ABCA12: variants seen among roughly 807,000 people sequenced by gnomAD.
ABCA12 encodes glucosylceramide transporter ABCA12.
ABCA12 carries 156 observed loss-of-function variants against 293.5 expected under a neutral mutation model. The ratio of observed to expected loss-of-function variants is 0.53; its 90% confidence interval spans 0.47 to 0.61. The LOEUF is 0.61. Ranked by LOEUF, ABCA12 falls within the 20% of genes least tolerant of loss-of-function variation. The probability of loss-of-function intolerance (pLI) is 0.00; values close to 1 mark genes in which losing one functional copy is unlikely to be tolerated. For missense variants in ABCA12, 2,797 were observed against 3,090.2 expected, an observed-to-expected ratio of 0.91 and a Z score of 2.25; for synonymous variants, 1,063 against 1,108.0, an observed-to-expected ratio of 0.96 and a Z score of 0.81.
At chr2:215,028,190 C>T (rs776678623) in intron 9 of ABCA12, among the ~76,000 whole-genome samples, 31 of 152,148 alleles carry the variant, frequency 2.0e-4, no homozygotes, top group African/African-American at 6.3e-4. Flanking sequence ...TATTAAAATG[C>T]GAGTGGGAAC....
intron 8 of ABCA12, among the ~76,000 whole-genome samples, chr2:215,034,424 TG>T (rs979954559): frequency 1.3e-5 from 2 of 151,484 alleles, no homozygotes; most frequent in African/African-American, 4.8e-5. Flanking sequence ...TGGAGAGGAA[TG>T]GGGGAAGGCA....
At chr2:215,102,822 T>G (rs907316885) in intron 2 of ABCA12, among the ~76,000 whole-genome samples, 2 of 152,170 alleles carry the variant, frequency 1.3e-5, no homozygotes, top group Non-Finnish European at 2.9e-5. Context: ...TCAAGACTCA[T>G]GCTAAGTCTT....
At chr2:215,135,530 T>C (rs1354361420) in intron 1 of ABCA12, among the ~76,000 whole-genome samples, 1 of 152,236 alleles carries the variant, frequency 6.6e-6, no homozygotes, top group African/African-American at 2.4e-5. Flanking sequence ...TGTCCATAGC[T>C]TAATTTCTGT....
At chr2:215,012,499 A>G (rs1419496866) in intron 15 of ABCA12, among the ~76,000 whole-genome samples, 2 of 152,238 alleles carry the variant, frequency 1.3e-5, no homozygotes, top group African/African-American at 4.8e-5. Flanking sequence ...AACAAAAAAA[A>G]TTATATTAAG....
chr2:214,935,497 TAAG>T (rs1176145184), intron 51 of ABCA12, among the ~76,000 whole-genome samples: 1 of 152,186 alleles, frequency 6.6e-6, no homozygotes, highest in Non-Finnish European at 1.5e-5. Context: ...TGAGCTTTGA[TAAG>T]AATCCTGAAA....
chr2:215,039,021 C>G (rs912115003), intron 7 of ABCA12: 2 of 152,132 alleles, frequency 1.3e-5, no homozygotes, highest in Admixed American at 6.5e-5. Context: ...TCATCAAAAA[C>G]AGGTTGCTCT....
intron 13 of ABCA12, among the ~76,000 whole-genome samples, chr2:215,018,381 C>T (rs771535202): frequency 3.3e-5 from 5 of 152,148 alleles, no homozygotes; most frequent in Non-Finnish European, 7.4e-5. Flanking sequence ...TAGGTATCTA[C>T]AAGTCAAGGT....
At chr2:214,959,198 G>C in intron 39 of ABCA12, 120 bp from the exon 40 acceptor site, 2 of 913,890 alleles carry the variant, frequency 2.2e-6, no homozygotes, top group Non-Finnish European at 3.5e-6. Context: ...TTTTATTTGG[G>C]GGACCTTTTT....
chr2:215,124,018 C>T (rs984240356), intron 1 of ABCA12, among the ~76,000 whole-genome samples: 1 of 152,146 alleles, frequency 6.6e-6, no homozygotes, highest in Non-Finnish European at 1.5e-5. Flanking sequence ...GAACATACAA[C>T]GTTTGGTTTT....
chr2:215,090,919 T>C (rs1702129485), intron 2 of ABCA12, among the ~76,000 whole-genome samples: 1 of 152,160 alleles, frequency 6.6e-6, no homozygotes, highest in Admixed American at 6.5e-5. Context: ...AAGCATCTTA[T>C]TTGCTTCTGC....
rs750168852 is a variant in ABCA12 at position 214,980,471 on chromosome 2, T to C, written c.4740+12A>G. ...TGGTGCCATAATGAGATATATTTTCTCCCATTCCTACCTTCTTCTTGGTAA... is the reference window on the plus strand; with the variant it reads ...TGGTGCCATAATGAGATATATTTTCCCCCATTCCTACCTTCTTCTTGGTAA... On this transcript the variant is annotated intron_variant, in intron 31 of 52. Coordinates refer to ENST00000272895, the MANE Select transcript of ABCA12 (RefSeq NM_173076.3). 1 of 1,613,048 alleles carries C rather than the reference T, an allele frequency of 6.2e-7. No homozygotes were observed. Among genetic ancestry groups the C allele is most frequent in the Non-Finnish European group, 8.5e-7 (1 of 1,179,920 alleles).
chr2:214,933,225 C>G (rs994629088), intron 52 of ABCA12, among the ~76,000 whole-genome samples: 1 of 152,166 alleles, frequency 6.6e-6, no homozygotes, highest in African/African-American at 2.4e-5. Flanking sequence ...AAGCCAATTA[C>G]TTAACAGGCA....
chr2:214,979,331 C>T (rs141883030), intron 31 of ABCA12, among the ~76,000 whole-genome samples: 1 of 152,154 alleles, frequency 6.6e-6, no homozygotes, highest in East Asian at 1.9e-4. Flanking sequence ...ACATCCCCTC[C>T]TCAGGGTCCT....
chr2:215,135,269 CT>C (rs1703200783), intron 1 of ABCA12, among the ~76,000 whole-genome samples: 4 of 152,148 alleles, frequency 2.6e-5, no homozygotes, highest in African/African-American at 9.7e-5. Flanking sequence ...CCAGCATATA[CT>C]TTTATAATCA....
In ABCA12 at chr2:214,948,644, C is replaced by G. The variant is rs772341619; in HGVS notation, c.7056G>C (p.Leu2352Phe). Residue 2352 changes from leucine to phenylalanine, a missense_variant, in exon 47 of 53, where the codon TTG becomes TTC. Around this residue, in one of 3 missense-constraint regions of ABCA12, gnomAD observed 2,130 missense variants for 2,427.0 expected, o/e 0.88. Transcript: ENST00000272895. ...LDDLVTVEEH[L>F]YFYARVHGIP... is the part of the protein sequence containing the mutation. ...TTCCATGTACCCTGGCATAGAAATA[C>G]AAATGTTCTTCCACAGTTACCAGGT... The G allele has an allele frequency of 6.2e-7, 1 of 1,614,034 alleles. No individual in the cohort carries two copies. Among genetic ancestry groups the G allele is most frequent in the African/African-American group, 1.3e-5 (1 of 75,014 alleles).
chr2:215,005,089 C>T (rs950079426), intron 19 of ABCA12, among the ~76,000 whole-genome samples: 3 of 152,120 alleles, frequency 2.0e-5, no homozygotes, highest in Admixed American at 1.3e-4. Context: ...GTGCTGGGCA[C>T]CGTCTTATAG....
intron 23 of ABCA12, among the ~76,000 whole-genome samples, chr2:214,993,929 T>C (rs527277602): frequency 1.3e-5 from 2 of 152,208 alleles, no homozygotes; most frequent in Non-Finnish European, 2.9e-5. Flanking sequence ...AAATTTTTGA[T>C]ACTCAAGATC....
At chr2:214,957,990 C>T (rs1042974374) in intron 41 of ABCA12, among the ~76,000 whole-genome samples, 5 of 152,108 alleles carry the variant, frequency 3.3e-5, no homozygotes, top group Non-Finnish European at 7.4e-5. Flanking sequence ...ATGTTCTCCA[C>T]GCTCCCCTCC....
chr2:214,990,636 AAAAC>A (rs757283402), intron 24 of ABCA12, 62 bp downstream of exon 24: 224 of 1,540,860 alleles, frequency 1.5e-4, no homozygotes, highest in Non-Finnish European at 1.8e-4. Flanking sequence ...TGAGAATCCA[AAAAC>A]AAACAAACAA....
Sources: allele counts gnomAD v4.1 joint callset (sites outside exome capture counted in the v4.1 genomes callset), GRCh38; gene constraint gnomAD v4.1.1; regional missense constraint gnomAD v4.1.1; transcripts MANE v1.5; gene names NCBI Gene and HGNC (gene_info 2026-07-23, HGNC 2026-07-21).